PPP6R2: variants seen among roughly 807,000 people sequenced by gnomAD.
PPP6R2 encodes the protein protein phosphatase 6 regulatory subunit 2, also known as serine/threonine-protein phosphatase 6 regulatory subunit 2.
In PPP6R2, 62 loss-of-function variants were observed where a neutral mutation model predicts 100.2. That is an observed-to-expected ratio of 0.62 (90% CI 0.50 to 0.76). PPP6R2 has a LOEUF of 0.76. PPP6R2 is among the 30% of genes least tolerant of loss of function. PPP6R2 has a pLI of 0.00. For missense variants in PPP6R2, 1,142 were observed against 1,276.3 expected, an observed-to-expected ratio of 0.89 and a Z score of 1.60; for synonymous variants, 525 against 514.7, an observed-to-expected ratio of 1.02 and a Z score of -0.27.
At chr22:50,348,862 C>T (rs1470885599) in intron 1 of PPP6R2, among the ~76,000 whole-genome samples, 1 of 151,198 alleles carries the variant, frequency 6.6e-6, no homozygotes, top group African/African-American at 2.4e-5. Flanking sequence ...AAGGCCAGGG[C>T]AGCCTGGGGA....
intron 2 of PPP6R2, among the ~76,000 whole-genome samples, chr22:50,373,332 C>T (rs752075172): frequency 1.3e-5 from 2 of 149,670 alleles, no homozygotes; most frequent in Non-Finnish European, 3.0e-5. Flanking sequence ...AGCTCCACCT[C>T]CTGGGTTCAT....
chr22:50,333,155 T>TAAAC, the PPP6R2 span, among the ~76,000 whole-genome samples: 1 of 151,894 alleles, frequency 6.6e-6, no homozygotes, highest in African/African-American at 2.4e-5. Context: ...AATAAATAAA[T>TAAAC]AAACTTAGCA....
At chr22:50,419,787 G>A (rs896010262) in intron 8 of PPP6R2, among the ~76,000 whole-genome samples, 5 of 152,320 alleles carry the variant, frequency 3.3e-5, no homozygotes, top group East Asian at 3.9e-4. Flanking sequence ...CAGCTCCCGT[G>A]TGTGTTTGTG....
At chr22:50,435,619 C>T (rs1396174272) in intron 13 of PPP6R2, among the ~76,000 whole-genome samples, 1 of 152,158 alleles carries the variant, frequency 6.6e-6, no homozygotes, top group East Asian at 1.9e-4. Context: ...CCTCCCTATA[C>T]CCGTGTAAGG....
At chr22:50,358,977 G>C (rs925545585) in intron 1 of PPP6R2, among the ~76,000 whole-genome samples, 6 of 130,488 alleles carry the variant, frequency 4.6e-5, no homozygotes, top group Admixed American at 8.8e-5. Flanking sequence ...AAACCAAGTA[G>C]TGTAAAAGAA....
At chr22:50,410,622 T>C (rs1471138067) in intron 4 of PPP6R2, among the ~76,000 whole-genome samples, 1 of 150,364 alleles carries the variant, frequency 6.7e-6, no homozygotes, top group Non-Finnish European at 1.5e-5. Flanking sequence ...GTCTGGGGGA[T>C]AGAGTGAGAT....
intron 16 of PPP6R2, 30 bp downstream of exon 16, chr22:50,437,633 A>C: frequency 6.4e-7 from 1 of 1,551,222 alleles, no homozygotes; most frequent in Non-Finnish European, 8.9e-7. Flanking sequence ...ACTCTGCACG[A>C]GGCGCGGCTC....
At chr22:50,426,522 T>C (rs2062151661) in intron 10 of PPP6R2, among the ~76,000 whole-genome samples, 1 of 152,162 alleles carries the variant, frequency 6.6e-6, no homozygotes, top group Admixed American at 6.6e-5. Flanking sequence ...GTTATCCAGT[T>C]TTCCCAGCAC....
chr22:50,398,357 G>A (rs1252294053), intron 3 of PPP6R2, among the ~76,000 whole-genome samples: 1 of 151,300 alleles, frequency 6.6e-6, no homozygotes, highest in Non-Finnish European at 1.5e-5. Context: ...ATTTTTAGTA[G>A]AGACAGGGTT....
chr22:50,332,835 G>A, the PPP6R2 span, among the ~76,000 whole-genome samples: 1 of 151,962 alleles, frequency 6.6e-6, no homozygotes, highest in Non-Finnish European at 1.5e-5. Context: ...TGTTGGCCAG[G>A]ATGGTCTTGA....
intron 1 of PPP6R2, among the ~76,000 whole-genome samples, chr22:50,353,815 CCCTT>C (rs1260378818): frequency 1.5e-5 from 2 of 133,550 alleles, no homozygotes; most frequent in Admixed American, 7.1e-5. Context: ...AAAAGCCTCT[CCCTT>C]TTTTTTTTTT....
intron 8 of PPP6R2, among the ~76,000 whole-genome samples, chr22:50,421,628 G>A (rs913786637): frequency 6.6e-6 from 1 of 152,054 alleles, no homozygotes; most frequent in African/African-American, 2.4e-5. Flanking sequence ...AACACCACAG[G>A]GGGTAGGCGC....
intron 22 of PPP6R2, 153 bp downstream of exon 22, chr22:50,441,179 C>T: frequency 1.4e-6 from 1 of 712,850 alleles, no homozygotes; most frequent in Non-Finnish European, 2.3e-6. Context: ...CCTTCAGAGG[C>T]TGGCTGAGGC....
At chr22:50,331,820 C>T in the PPP6R2 span, among the ~76,000 whole-genome samples, 3 of 152,166 alleles carry the variant, frequency 2.0e-5, no homozygotes, top group Non-Finnish European at 2.9e-5. Context: ...CGGGGTTTCA[C>T]CATATTGGCC....
intron 2 of PPP6R2, among the ~76,000 whole-genome samples, chr22:50,377,204 A>G (rs1277363333): frequency 1.3e-5 from 2 of 152,138 alleles, no homozygotes; most frequent in Non-Finnish European, 2.9e-5. Context: ...TTGTAATCCC[A>G]GTACTTTGGG....
chr22:50,375,824 C>A (rs2051376726), intron 2 of PPP6R2, among the ~76,000 whole-genome samples: 1 of 90,822 alleles, frequency 1.1e-5, no homozygotes. Flanking sequence ...TACAAAGAAT[C>A]CCTGCAGATT....
At chr22:50,417,798 G>T (rs983473291) in intron 6 of PPP6R2, among the ~76,000 whole-genome samples, 1 of 152,188 alleles carries the variant, frequency 6.6e-6, no homozygotes, top group African/African-American at 2.4e-5. Context: ...GCCTGGCCTG[G>T]GTCCCAAAGG....
intron 3 of PPP6R2, among the ~76,000 whole-genome samples, chr22:50,398,827 C>T (rs941534857): frequency 6.6e-6 from 1 of 152,210 alleles, no homozygotes; most frequent in Non-Finnish European, 1.5e-5. Context: ...TGAGGCTAGT[C>T]AAAGTGCAGC....
Position 50,416,733 on chromosome 22 carries a change from C to T in PPP6R2, c.618+576C>T, listed in dbSNP as rs113613735. Among the ~76,000 whole-genome samples, 788 of 151,662 alleles carry T rather than the reference C, an allele frequency of 5.2e-3. 4 individuals carry two copies. Among genetic ancestry groups the T allele is most frequent in the African/African-American group, 0.018 (753 of 41,448 alleles). On this transcript the variant is annotated intron_variant, in intron 6 of 23. Coordinates refer to ENST00000612753, the MANE Select transcript of PPP6R2 (RefSeq NM_001242898.2). ...ATCCCAGCACTTGGGGAGGCTGAGGCGGGCCGATCACTTGAGGTCAGGAGT... is the reference window on the plus strand; with the variant it reads ...ATCCCAGCACTTGGGGAGGCTGAGGTGGGCCGATCACTTGAGGTCAGGAGT...
Sources: allele counts gnomAD v4.1 joint callset (sites outside exome capture counted in the v4.1 genomes callset), GRCh38; gene constraint gnomAD v4.1.1; transcripts MANE v1.5; gene names NCBI Gene and HGNC (gene_info 2026-07-23, HGNC 2026-07-21).